The following WWOX variants were observed in gnomAD, a reference collection of about 807,000 sequenced individuals.
WWOX encodes the protein WW domain-containing oxidoreductase.
Under a neutral mutation model 46.2 loss-of-function variants are expected in WWOX, and 69 were observed. The ratio of observed to expected loss-of-function variants is 1.49; its 90% CI spans 1.23 to 1.82. The LOEUF (loss-of-function observed/expected upper bound fraction) is 1.82, where lower values mean the gene tolerates loss of function less well. Among genes scored for constraint, WWOX ranks in the 40% most tolerant of loss-of-function variants. The pLI is 0.00. For synonymous variants in WWOX, 359 were observed against 202.6 expected (o/e 1.77, Z -6.56); for missense variants, 919 against 542.6 (o/e 1.69, Z -6.89).
chr16:78,423,241 CTG>C (rs530888677), intron 6 of WWOX, among the ~76,000 whole-genome samples: 192 of 152,146 alleles, frequency 1.3e-3, no homozygotes, highest in Non-Finnish European at 2.3e-3. Context: ...TTCTCTGTTT[CTG>C]TGTGTGTCTG....
chr16:78,867,887 C>T (rs1460196330), intron 8 of WWOX, among the ~76,000 whole-genome samples: 1 of 152,052 alleles, frequency 6.6e-6, no homozygotes, highest in Non-Finnish European at 1.5e-5. Context: ...ATTTATTATC[C>T]CAAGAGTTGT....
chr16:78,856,906 C>T (rs558402869), intron 8 of WWOX, among the ~76,000 whole-genome samples: 1 of 152,186 alleles, frequency 6.6e-6, no homozygotes, highest in Admixed American at 6.5e-5. Flanking sequence ...GATGGTATAA[C>T]CTGCCATACT....
intron 8 of WWOX, among the ~76,000 whole-genome samples, chr16:78,452,475 C>CTTTTT (rs397945707): frequency 3.2e-5 from 4 of 126,056 alleles, no homozygotes; most frequent in Admixed American, 8.4e-5. Flanking sequence ...CTCTCTCTCT[C>CTTTTT]TTTTTTTTTT....
intron 5 of WWOX, among the ~76,000 whole-genome samples, chr16:78,217,576 T>A (rs942427474): frequency 2.6e-5 from 4 of 152,124 alleles, no homozygotes; most frequent in African/African-American, 9.7e-5. Context: ...TCCCAGATGC[T>A]GGGCTTCCGA....
intron 8 of WWOX, among the ~76,000 whole-genome samples, chr16:78,824,851 G>C (rs2051604979): frequency 1.3e-5 from 2 of 152,136 alleles, no homozygotes; most frequent in South Asian, 4.1e-4. Flanking sequence ...GCATATCAGG[G>C]TCCTAGGCAA....
At chr16:78,529,535 C>T (rs1331074982) in intron 8 of WWOX, among the ~76,000 whole-genome samples, 1 of 152,050 alleles carries the variant, frequency 6.6e-6, no homozygotes, top group East Asian at 1.9e-4. Context: ...GGCAAGATCC[C>T]TGCTCACTGC....
chr16:78,717,150 A>T (rs958125955), intron 8 of WWOX, among the ~76,000 whole-genome samples: 1 of 152,208 alleles, frequency 6.6e-6, no homozygotes, highest in Non-Finnish European at 1.5e-5. Context: ...CTCTGTGTAA[A>T]TCTAGTCTGT....
At chr16:78,629,113 A>G (rs1229204474) in intron 8 of WWOX, among the ~76,000 whole-genome samples, 2 of 152,242 alleles carry the variant, frequency 1.3e-5, no homozygotes, top group Non-Finnish European at 2.9e-5. Flanking sequence ...TAGCAAAGTT[A>G]AAATAAAATG....
At chr16:79,057,043 A>T (rs931853397) in intron 8 of WWOX, among the ~76,000 whole-genome samples, 5 of 152,216 alleles carry the variant, frequency 3.3e-5, no homozygotes, top group Non-Finnish European at 7.3e-5. Flanking sequence ...GAGTTCTAGA[A>T]AACACCAGAA....
intron 5 of WWOX, among the ~76,000 whole-genome samples, chr16:78,256,300 G>A (rs990085583): frequency 3.9e-5 from 6 of 151,960 alleles, no homozygotes; most frequent in Non-Finnish European, 8.8e-5. Flanking sequence ...ACCAAAGCTG[G>A]AAATTGTCAC....
intron 8 of WWOX, among the ~76,000 whole-genome samples, chr16:78,587,193 C>CTTTTTTTTTTTTTTTTTTTT (rs528293412): frequency 2.7e-5 from 3 of 112,908 alleles, no homozygotes; most frequent in African/African-American, 1.0e-4. Flanking sequence ...GCCTGGCTAA[C>CTTTTTTTTTTTTTTTTTTTT]TTTTTTTTTT....
intron 8 of WWOX, among the ~76,000 whole-genome samples, chr16:78,719,791 T>C (rs193141841): frequency 2.0e-5 from 3 of 152,326 alleles, no homozygotes; most frequent in Admixed American, 6.5e-5. Context: ...AGGGGTATTA[T>C]GTTTTCTCTT....
At chr16:78,609,456 C>G (rs1229352438) in intron 8 of WWOX, among the ~76,000 whole-genome samples, 1 of 150,728 alleles carries the variant, frequency 6.6e-6, no homozygotes, top group African/African-American at 2.4e-5. Flanking sequence ...AGTAAAAGTC[C>G]AGGCATGTGA....
At position 78,471,782 on chromosome 16, in the gene WWOX, G is replaced by A. The variant is rs59173825; in HGVS notation, c.1056+39030G>A. Reference sequence around the variant, plus strand: ...AGTTTCTCTTAATCAAAATAATAACGATGATTTTTCCATGCCAAGGAGTGG... The same window carrying A: ...AGTTTCTCTTAATCAAAATAATAACAATGATTTTTCCATGCCAAGGAGTGG... On this transcript the variant is annotated intron_variant, in intron 8 of 8. Coordinates refer to ENST00000566780, the MANE Select transcript of WWOX (RefSeq NM_016373.4). Among the ~76,000 whole-genome samples, 585 of 152,224 alleles carry A rather than the reference G, an allele frequency of 3.8e-3. 5 individuals are homozygous for A. The highest frequency in any genetic ancestry group is 0.014 in the African/African-American group (567 of 41,556).
At chr16:78,423,713 G>C (rs772391010) in intron 6 of WWOX, among the ~76,000 whole-genome samples, 6 of 152,110 alleles carry the variant, frequency 3.9e-5, no homozygotes, top group Middle Eastern at 6.8e-3. Flanking sequence ...ATGCATGGTG[G>C]TGTGCCCCTG....
At chr16:78,924,975 A>C (rs2045464976) in intron 8 of WWOX, among the ~76,000 whole-genome samples, 2 of 152,170 alleles carry the variant, frequency 1.3e-5, no homozygotes, top group South Asian at 4.1e-4. Flanking sequence ...CGGGAGGATC[A>C]GTTGAGCTCA....
intron 8 of WWOX, among the ~76,000 whole-genome samples, chr16:78,481,354 C>G (rs1597145311): frequency 6.6e-6 from 1 of 152,232 alleles, no homozygotes; most frequent in South Asian, 2.1e-4. Context: ...GAGGTCTACT[C>G]TGTTTATCCT....
intron 8 of WWOX, among the ~76,000 whole-genome samples, chr16:78,561,843 C>A (rs2044445709): frequency 6.6e-6 from 1 of 152,082 alleles, no homozygotes; most frequent in African/African-American, 2.4e-5. Context: ...CAGTTACCAG[C>A]AGTGGAAGTG....
chr16:78,415,965 A>C (rs2082788982), intron 6 of WWOX, among the ~76,000 whole-genome samples: 1 of 152,222 alleles, frequency 6.6e-6, no homozygotes, highest in South Asian at 2.1e-4. Flanking sequence ...ACTCATCAGA[A>C]AGGTGGAGGG....
Sources: gnomAD v4.1 joint callset for allele counts (sites outside exome capture counted in the v4.1 genomes callset) on GRCh38, gnomAD v4.1.1 for gene constraint, MANE v1.5 for transcripts, NCBI Gene and HGNC (gene_info 2026-07-23, HGNC 2026-07-21) for gene names.